The following PKIB variants were observed in gnomAD, a reference collection of about 807,000 sequenced individuals.
The protein encoded by PKIB is PKI-beta.
PKIB carries 2 observed loss-of-function variants against 4.5 expected under a neutral mutation model. The observed-to-expected ratio is 0.44, with a 90% CI of 0.18 to 1.39. PKIB has a LOEUF of 1.39. Among genes scored for constraint, PKIB ranks in the 40% most tolerant of loss-of-function variants. The pLI is 0.27. For missense variants in PKIB, 94 were observed against 92.6 expected (o/e 1.02, Z -0.06); for synonymous variants, 38 against 36.0 (o/e 1.06, Z -0.20).
chr6:122,596,302 C>G (rs1774174703), intron 3 of PKIB, among the ~76,000 whole-genome samples: 1 of 152,176 alleles, frequency 6.6e-6, no homozygotes, highest in South Asian at 2.1e-4. Flanking sequence ...CCTCTGTCAA[C>G]TGATCATAGG....
intron 2 of PKIB, among the ~76,000 whole-genome samples, chr6:122,542,202 C>G (rs1355906424): frequency 6.6e-6 from 1 of 152,064 alleles, no homozygotes. Context: ...CATTGTCTGT[C>G]CAGCTTTGTT....
chr6:122,701,461 T>C, intron 3 of PKIB: 1 of 1,589,024 alleles, frequency 6.3e-7, no homozygotes, highest in South Asian at 1.2e-5. Flanking sequence ...AGAGATCACC[T>C]GCCAAACACA....
intron 3 of PKIB, among the ~76,000 whole-genome samples, chr6:122,693,189 A>G (rs1778423759): frequency 1.3e-5 from 2 of 152,244 alleles, no homozygotes. Flanking sequence ...AGCAGACCCC[A>G]GAACACAAGG....
At chr6:122,572,023 C>T (rs975887561) in intron 2 of PKIB, among the ~76,000 whole-genome samples, 4 of 152,048 alleles carry the variant, frequency 2.6e-5, no homozygotes, top group Non-Finnish European at 5.9e-5. Context: ...CTCACATAAA[C>T]TCATGGTTAA....
At chr6:122,701,595 A>C in intron 3 of PKIB, 1 of 1,425,796 alleles carries the variant, frequency 7.0e-7, no homozygotes, top group Non-Finnish European at 9.6e-7. Context: ...GCTCAAGCCC[A>C]TCAGCAGTTA....
At chr6:122,596,179 A>G (rs1247696314) in intron 3 of PKIB, among the ~76,000 whole-genome samples, 7 of 152,140 alleles carry the variant, frequency 4.6e-5, no homozygotes. Context: ...GCCCTTCACC[A>G]CTGTCCTTCA....
intron 3 of PKIB, among the ~76,000 whole-genome samples, chr6:122,691,712 T>C (rs952889323): frequency 2.0e-5 from 3 of 152,136 alleles, no homozygotes; most frequent in Non-Finnish European, 2.9e-5. Flanking sequence ...TTTAGTTCAT[T>C]TGGTGAGGCC....
intron 3 of PKIB, among the ~76,000 whole-genome samples, chr6:122,717,127 T>C (rs1373828959): frequency 2.0e-5 from 3 of 152,028 alleles, no homozygotes; most frequent in Non-Finnish European, 4.4e-5. Flanking sequence ...AGAGAGACAA[T>C]TGCTAGGGAG....
intron 3 of PKIB, among the ~76,000 whole-genome samples, chr6:122,684,215 T>C (rs1376463253): frequency 6.6e-6 from 1 of 152,140 alleles, no homozygotes; most frequent in Non-Finnish European, 1.5e-5. Flanking sequence ...TACTAATCAA[T>C]AGGCATAAAG....
chr6:122,653,281 G>A (rs1198099707), intron 2 of PKIB, among the ~76,000 whole-genome samples: 2 of 152,186 alleles, frequency 1.3e-5, no homozygotes, highest in Non-Finnish European at 2.9e-5. Context: ...CATTTGATTA[G>A]TCATCATCAA....
intron 3 of PKIB, chr6:122,701,274 C>A: frequency 1.8e-6 from 1 of 568,090 alleles, no homozygotes; most frequent in Non-Finnish European, 3.1e-6. Context: ...GCCTCTGCGC[C>A]TGTTCCATAG....
chr6:122,513,289 C>T (rs1177879815), intron 2 of PKIB, among the ~76,000 whole-genome samples: 1 of 152,174 alleles, frequency 6.6e-6, no homozygotes, highest in Non-Finnish European at 1.5e-5. Context: ...GCAGAATTGA[C>T]AGTACACCAG....
At chr6:122,472,132 CCTT>C in intron 1 of PKIB, 1 of 184,960 alleles carries the variant, frequency 5.4e-6, no homozygotes, top group Non-Finnish European at 1.1e-5. Context: ...GTTTTGCCCT[CCTT>C]CATCTGAGGA....
At chr6:122,499,135 A>G (rs1162497746) in intron 2 of PKIB, among the ~76,000 whole-genome samples, 3 of 152,202 alleles carry the variant, frequency 2.0e-5, no homozygotes, top group African/African-American at 4.8e-5. Flanking sequence ...TACCAGACAT[A>G]CAAAGAAGAG....
At chr6:122,650,735 A>C (rs755878163) in intron 2 of PKIB, among the ~76,000 whole-genome samples, 7 of 152,166 alleles carry the variant, frequency 4.6e-5, no homozygotes, top group Non-Finnish European at 8.8e-5. Context: ...CCCCCCTCAC[A>C]AATTTATTTC....
At chr6:122,513,896 A>C (rs1776665076) in intron 2 of PKIB, among the ~76,000 whole-genome samples, 1 of 152,196 alleles carries the variant, frequency 6.6e-6, no homozygotes, top group African/African-American at 2.4e-5. Context: ...TTAAATGTAT[A>C]ATTATAAGGA....
intron 2 of PKIB, among the ~76,000 whole-genome samples, chr6:122,530,804 G>T (rs930544656): frequency 3.9e-5 from 6 of 152,144 alleles, no homozygotes; most frequent in African/African-American, 1.4e-4. Flanking sequence ...CCTGTTTTTG[G>T]CAAAAGCCCC....
chr6:122,485,060 T>G (rs1390270134), intron 2 of PKIB, among the ~76,000 whole-genome samples: 7 of 152,180 alleles, frequency 4.6e-5, no homozygotes, highest in Non-Finnish European at 8.8e-5. Flanking sequence ...CTTCCCTTTT[T>G]TTGGCCTATA....
At chr6:122,499,882 A>G (rs1045989361) in intron 2 of PKIB, among the ~76,000 whole-genome samples, 4 of 152,236 alleles carry the variant, frequency 2.6e-5, no homozygotes, top group Admixed American at 6.5e-5. Context: ...TACAAAATTT[A>G]TGTACAAAAA....
Sources: allele counts gnomAD v4.1 joint callset (sites outside exome capture counted in the v4.1 genomes callset), GRCh38; gene constraint gnomAD v4.1.1; transcripts MANE v1.5; gene names NCBI Gene and HGNC (gene_info 2026-07-23, HGNC 2026-07-21).